KCNIP1: variants seen among roughly 807,000 people sequenced by gnomAD.
The protein encoded by KCNIP1 is potassium voltage-gated channel interacting protein 1.
A neutral mutation model predicts 33.0 loss-of-function variants in KCNIP1; 18 were observed. The ratio of observed to expected loss-of-function variants is 0.55; its 90% CI spans 0.38 to 0.81. The LOEUF (loss-of-function observed/expected upper bound fraction) is 0.81, where lower values mean the gene tolerates loss of function less well. KCNIP1 is among the 30% of genes least tolerant of loss of function. The probability of loss-of-function intolerance (pLI) is 0.00; values close to 1 mark genes in which losing one functional copy is unlikely to be tolerated. For missense variants in KCNIP1, 238 were observed against 271.6 expected (o/e 0.88, Z 0.87); for synonymous variants, 93 against 98.3 (o/e 0.95, Z 0.32).
chr5:170,694,313 C>A (rs964623989), intron 1 of KCNIP1, among the ~76,000 whole-genome samples: 2 of 152,060 alleles, frequency 1.3e-5, no homozygotes, highest in African/African-American at 4.8e-5. Context: ...TTCCAATGAA[C>A]CACAGATGGT....
chr5:170,387,861 C>T (rs1404736040), intron 1 of KCNIP1, among the ~76,000 whole-genome samples: 1 of 152,240 alleles, frequency 6.6e-6, no homozygotes, highest in Non-Finnish European at 1.5e-5. Flanking sequence ...TGGCACTTGG[C>T]CCCACCCCAG....
intron 1 of KCNIP1, among the ~76,000 whole-genome samples, chr5:170,487,575 G>T (rs1272257631): frequency 6.7e-6 from 1 of 150,004 alleles, no homozygotes; most frequent in African/African-American, 2.5e-5. Flanking sequence ...AGGCTGGAGT[G>T]CAGTGAAGTG....
In KCNIP1 at chr5:170,522,207, G is replaced by A. The variant is rs78642755; in HGVS notation, c.61+17574G>A. Among the ~76,000 whole-genome samples the A allele has an allele frequency of 9.0e-3, 1,376 of 152,346 alleles. 21 individuals are homozygous for A. The highest frequency in any genetic ancestry group is 0.032 in the African/African-American group (1,313 of 41,574). On this transcript the variant is annotated intron_variant, in intron 1 of 7. Coordinates refer to ENST00000328939, the MANE Select transcript of KCNIP1 (RefSeq NM_014592.4). ...GGTCAGCTGGCAGGGTCCGCACCAA[G>A]CCTATCCAGGGAAGCCCTGCCCTGA...
chr5:170,358,567 G>A lies in KCNIP1; in HGVS notation c.88+4603G>A, dbSNP rs1177044201. On this transcript the variant is annotated intron_variant, in intron 1 of 7. Transcript: ENST00000377360. ...CATTTGAACACCACCCCAAGCCAAG[G>A]CTCCCCACTTTTAATTGGAGATAAT... Among the ~76,000 whole-genome samples the A allele has an allele frequency of 3.3e-5, 5 of 152,162 alleles. No homozygotes were observed. The East Asian group carries it at 9.6e-4, about 29-fold the overall frequency.
intron 1 of KCNIP1, among the ~76,000 whole-genome samples, chr5:170,412,745 T>G (rs1755228473): frequency 6.6e-6 from 1 of 152,170 alleles, no homozygotes; most frequent in Non-Finnish European, 1.5e-5. Context: ...TCAGGGCCTC[T>G]GCACCAGATG....
intron 1 of KCNIP1, among the ~76,000 whole-genome samples, chr5:170,715,619 G>A (rs1250075509): frequency 6.6e-6 from 1 of 152,162 alleles, no homozygotes; most frequent in Non-Finnish European, 1.5e-5. Flanking sequence ...CATGCGCAGG[G>A]CAATGGTCCC....
chr5:170,554,061 G>A (rs1160650299), intron 1 of KCNIP1, among the ~76,000 whole-genome samples: 1 of 152,208 alleles, frequency 6.6e-6, no homozygotes. Context: ...GGTCATGCCT[G>A]TGGAAATGTG....
chr5:170,366,928 C>G (rs548207907), intron 1 of KCNIP1, among the ~76,000 whole-genome samples: 3 of 152,364 alleles, frequency 2.0e-5, no homozygotes, highest in East Asian at 1.9e-4. Context: ...AAGTCTCTCT[C>G]TCTTGCCTTG....
At chr5:170,353,931 A>G in exon 1 of KCNIP1, 3 of 1,614,198 alleles carry the variant, frequency 1.9e-6, no homozygotes, top group Non-Finnish European at 2.5e-6. Context: ...TGCCCAGACC[A>G]TCTTTAAGCT....
intron 5 of KCNIP1, among the ~76,000 whole-genome samples, chr5:170,723,846 A>G (rs555759470): frequency 2.0e-4 from 31 of 152,342 alleles, no homozygotes; most frequent in African/African-American, 6.7e-4. Context: ...AAAGCCAGGA[A>G]AAGTGTTCCA....
At position 170,642,588 on chromosome 5, in the gene KCNIP1, TC is replaced by T. The variant is rs922721943; in HGVS notation, c.62-76167del. On this transcript the variant is annotated intron_variant, in intron 1 of 7. Transcript: ENST00000328939. Reference sequence around the variant, plus strand: ...AAGCCTCAGACCTGCAGGCCAGCGCTCCCATGCCCCATAGCCGGGAGTAAAG... The same window carrying T: ...AAGCCTCAGACCTGCAGGCCAGCGCTCCATGCCCCATAGCCGGGAGTAAAG... Among the ~76,000 whole-genome samples the T allele has an allele frequency of 2.0e-5, 3 of 152,192 alleles. No individual in the cohort carries two copies. In the South Asian group the frequency reaches 6.2e-4, roughly 32 times the overall value.
At chr5:170,410,747 T>C (rs1386618632) in intron 1 of KCNIP1, among the ~76,000 whole-genome samples, 1 of 152,176 alleles carries the variant, frequency 6.6e-6, no homozygotes, top group East Asian at 1.9e-4. Context: ...ATAAATTATT[T>C]GGATCAGGAT....
intron 1 of KCNIP1, among the ~76,000 whole-genome samples, chr5:170,707,075 T>C (rs1454025632): frequency 6.6e-6 from 1 of 150,872 alleles, no homozygotes; most frequent in Non-Finnish European, 1.5e-5. Context: ...TGAAATACAC[T>C]AGCTGGTGGC....
intron 1 of KCNIP1, among the ~76,000 whole-genome samples, chr5:170,676,624 A>G (rs1051570399): frequency 7.2e-5 from 11 of 152,228 alleles, no homozygotes; most frequent in Non-Finnish European, 1.2e-4. Flanking sequence ...AGGTTTAGAC[A>G]GTACCTTACC....
chr5:170,392,877 A>T (rs1478861086), intron 1 of KCNIP1, among the ~76,000 whole-genome samples: 1 of 152,234 alleles, frequency 6.6e-6, no homozygotes, highest in African/African-American at 2.4e-5. Flanking sequence ...GTCACACACT[A>T]TGGCACAAAT....
intron 1 of KCNIP1, among the ~76,000 whole-genome samples, chr5:170,614,127 G>A (rs1246988329): frequency 6.6e-6 from 1 of 152,212 alleles, no homozygotes; most frequent in Non-Finnish European, 1.5e-5. Context: ...GGAACAGCTG[G>A]CGAGGAAGGA....
At chr5:170,699,555 TGAAAA>T (rs1763019744) in intron 1 of KCNIP1, among the ~76,000 whole-genome samples, 2 of 118,222 alleles carry the variant, frequency 1.7e-5, no homozygotes, top group Non-Finnish European at 1.7e-5. Context: ...AATTGCTCTG[TGAAAA>T]AAAAAAAAAA....
At chr5:170,452,214 G>A (rs1411502909) in intron 1 of KCNIP1, among the ~76,000 whole-genome samples, 1 of 152,188 alleles carries the variant, frequency 6.6e-6, no homozygotes, top group Non-Finnish European at 1.5e-5. Context: ...GTTGGGTAAT[G>A]GGCTGAATCA....
At chr5:170,500,533 T>C (rs1757390472), upstream of KCNIP1, among the ~76,000 whole-genome samples, 1 of 152,160 alleles carries the variant, frequency 6.6e-6, no homozygotes, top group Non-Finnish European at 1.5e-5. Context: ...TCTTCAGCAC[T>C]CCCTCTGCAC....
Sources: allele counts gnomAD v4.1 joint callset (sites outside exome capture counted in the v4.1 genomes callset), GRCh38; gene constraint gnomAD v4.1.1; transcripts MANE v1.5; gene names NCBI Gene and HGNC (gene_info 2026-07-23, HGNC 2026-07-21).